The following KIF26B variants were observed in gnomAD, a reference collection of about 807,000 sequenced individuals.
KIF26B encodes the protein kinesin-like protein KIF26B.
KIF26B carries 63 observed loss-of-function variants against 151.2 expected under a neutral mutation model. That is an observed-to-expected ratio of 0.42 (90% CI 0.34 to 0.51). The LOEUF is 0.51. Among genes scored for constraint, KIF26B ranks in the 20% least tolerant of loss-of-function variants. The probability of loss-of-function intolerance (pLI) is 0.07; values close to 1 mark genes in which losing one functional copy is unlikely to be tolerated. For missense variants in KIF26B, 2,813 were observed against 2,913.6 expected, an observed-to-expected ratio of 0.97 and a Z score of 0.79; for synonymous variants, 1,357 against 1,262.1, an observed-to-expected ratio of 1.08 and a Z score of -1.59.
In KIF26B at chr1:245,703,798, G is replaced by A. The variant is rs2044805795; in HGVS notation, c.*1192G>A. On this transcript the variant is annotated 3_prime_UTR_variant, in exon 15 of 15. Coordinates refer to ENST00000407071, the MANE Select transcript of KIF26B (RefSeq NM_018012.4). ...ATTCTTGAGACTGTACATCTTGTCT[G>A]TTGTCCAGAGTACAAGGATTTCAGC... 2.6e-5 allele frequency: 4 copies of A among 152,214 alleles called. No individual in the cohort carries two copies. The South Asian group carries it at 8.3e-4, about 32-fold the overall frequency. The allele number at this position is 152,214 out of a possible 1,614,324, so 9.4% of individuals were successfully genotyped here.
intron 4 of KIF26B, among the ~76,000 whole-genome samples, chr1:245,537,545 C>T (rs1661514654): frequency 6.6e-6 from 1 of 152,132 alleles, no homozygotes; most frequent in African/African-American, 2.4e-5. Flanking sequence ...AGCAATTCAG[C>T]AAGAGAAGTC....
chr1:245,543,813 C>T lies in KIF26B; in HGVS notation c.1350+2863C>T, dbSNP rs191502885. ...AAATACAAAAATTAGCCAAGCTTGGCGGCACGTACCTGTAATCCCAGCTAC... is the reference window on the plus strand; with the variant it reads ...AAATACAAAAATTAGCCAAGCTTGGTGGCACGTACCTGTAATCCCAGCTAC... On this transcript the variant is annotated intron_variant, in intron 5 of 14. Transcript: ENST00000407071. Among the ~76,000 whole-genome samples the T allele has an allele frequency of 5.3e-5, 8 of 152,140 alleles. No homozygotes were observed. The South Asian group carries it at 8.3e-4, about 16-fold the overall frequency.
chr1:245,408,437 C>T (rs955477277), intron 3 of KIF26B, among the ~76,000 whole-genome samples: 1 of 150,086 alleles, frequency 6.7e-6, no homozygotes, highest in African/African-American at 2.5e-5. Flanking sequence ...TCACTGCAAC[C>T]TCCGCCTCCT....
chr1:245,592,357 C>T (rs2043297175), intron 5 of KIF26B, among the ~76,000 whole-genome samples: 1 of 152,218 alleles, frequency 6.6e-6, no homozygotes, highest in African/African-American at 2.4e-5. Context: ...GAGGGAAGAG[C>T]AGTCCAGGGC....
chr1:245,500,693 G>A (rs6670295), intron 4 of KIF26B, among the ~76,000 whole-genome samples: 3,798 of 152,320 alleles, frequency 0.025, 135 homozygotes, highest in African/African-American at 0.074. Flanking sequence ...TCACCAGGGC[G>A]AGGGCTGGGC....
intron 2 of KIF26B, among the ~76,000 whole-genome samples, chr1:245,158,230 G>A (rs1360352765): frequency 1.3e-5 from 2 of 152,072 alleles, no homozygotes; most frequent in Non-Finnish European, 2.9e-5. Context: ...TAGGCTTATT[G>A]TGGCTTTGGG....
At position 245,686,636 on chromosome 1, in the gene KIF26B, C is replaced by G. The variant is rs61753904; in HGVS notation, c.3653C>G (p.Ser1218Cys). 6.2e-7 allele frequency: 1 copy of G among 1,610,862 alleles called. No individual in the cohort carries two copies. ...TSIISFNSDC[S>C]ARALASGSRP... The stretch of plus-strand genomic sequence containing the variant: ...ATCATCAGCTTCAACAGCGACTGCT[C>G]TGCACGGGCCCTGGCCTCGGGCTCG... Residue 1218 changes from serine to cysteine, a missense_variant, in exon 12 of 15, where the codon TCT (serine) becomes TGT (cysteine). This residue lies in a region of KIF26B where 2,060 missense variants were observed against 2,088.6 expected (regional missense o/e 0.99). Coordinates refer to ENST00000407071, the MANE Select transcript of KIF26B (RefSeq NM_018012.4). The surrounding 1 kb of genome is among the most constrained non-coding windows in gnomAD (Gnocchi z 5.6).
Position 245,475,956 on chromosome 1 carries a change from C to T in KIF26B, c.1166+56211C>T, listed in dbSNP as rs563665821. 3.9e-5 allele frequency among the ~76,000 whole-genome samples: 6 copies of T among 151,920 alleles called. 1 individual carries two copies. Among genetic ancestry groups the T allele is most frequent in the Non-Finnish European group, 5.9e-5 (4 of 67,844 alleles). On this transcript the variant is annotated intron_variant, in intron 4 of 14. Transcript: ENST00000407071. ...ATACATCCACACAAACATTAGTACA[C>T]GAATGTTCATGGCAGCGTTAGTCAA...
intron 4 of KIF26B, among the ~76,000 whole-genome samples, chr1:245,464,057 C>T (rs1478023035): frequency 6.6e-6 from 1 of 152,162 alleles, no homozygotes; most frequent in African/African-American, 2.4e-5. Context: ...CATGCCATCC[C>T]CACCCTTTCT....
rs79889054 is a variant in KIF26B, at chr1:245,413,921, T to G, written c.1000-5658T>G. The stretch of plus-strand genomic sequence containing the variant: ...CCTCCTCCTACTAGCTGATTTCCCT[T>G]GGGGAAGGAGCTCAACCTCTCTGAC... On this transcript the variant is annotated intron_variant, in intron 3 of 14. Coordinates refer to ENST00000407071, the MANE Select transcript of KIF26B (RefSeq NM_018012.4). Among the ~76,000 whole-genome samples, 85 of 152,298 alleles carry G rather than the reference T, an allele frequency of 5.6e-4. 2 individuals carry two copies. The East Asian group carries it at 0.014, about 26-fold the overall frequency.
chr1:245,521,253 C>T lies in KIF26B; in HGVS notation c.1167-19514C>T, dbSNP rs571548461. On this transcript the variant is annotated intron_variant, in intron 4 of 14. Coordinates refer to ENST00000407071, the MANE Select transcript of KIF26B (RefSeq NM_018012.4). ...TCCGAAGGCTGAGGCAGGAGAATGG[C>T]GTGAACCCGGGAGGCGGAGCTTGCA... Among the ~76,000 whole-genome samples the T allele has an allele frequency of 1.0e-3, 153 of 151,820 alleles. 1 individual carries two copies. The highest frequency in any genetic ancestry group is 2.2e-3 in the Admixed American group (34 of 15,232).
chr1:245,281,858 G>A (rs1573750694), intron 2 of KIF26B, among the ~76,000 whole-genome samples: 1 of 151,432 alleles, frequency 6.6e-6, no homozygotes, highest in Non-Finnish European at 1.5e-5. Flanking sequence ...TTATTAAATA[G>A]GGAATCCTTT....
chr1:245,423,219 T>C (rs1658537270), intron 4 of KIF26B, among the ~76,000 whole-genome samples: 1 of 152,162 alleles, frequency 6.6e-6, no homozygotes. Flanking sequence ...CTGACGTATA[T>C]TGAGCACTGA....
chr1:245,206,831 A>C (rs957319336), intron 2 of KIF26B: 13 of 152,382 alleles, frequency 8.5e-5, no homozygotes, highest in African/African-American at 3.1e-4. Context: ...TTTATAAAAC[A>C]TTATACTTTA....
At chr1:245,219,727 C>G (rs148029999) in intron 2 of KIF26B, among the ~76,000 whole-genome samples, 1 of 152,092 alleles carries the variant, frequency 6.6e-6, no homozygotes, top group Non-Finnish European at 1.5e-5. Context: ...GAGTGAGATC[C>G]TGTCCCCTCC....
chr1:245,630,541 A>G (rs753444057), intron 9 of KIF26B, among the ~76,000 whole-genome samples: 1 of 152,182 alleles, frequency 6.6e-6, no homozygotes, highest in Non-Finnish European at 1.5e-5. Flanking sequence ...ATGAGAACAC[A>G]TGGACACAAG....
At chr1:245,307,659 A>G (rs189923598) in intron 2 of KIF26B, among the ~76,000 whole-genome samples, 1 of 151,908 alleles carries the variant, frequency 6.6e-6, no homozygotes, top group African/African-American at 2.4e-5. Flanking sequence ...TAGTTGAATC[A>G]TTCCTTTCCT....
chr1:245,452,265 T>A (rs1163634203), intron 4 of KIF26B, among the ~76,000 whole-genome samples: 1 of 152,268 alleles, frequency 6.6e-6, no homozygotes, highest in African/African-American at 2.4e-5. Flanking sequence ...ATCGGAATTT[T>A]ATTCCTTTGT....
chr1:245,366,169 G>C (rs1258305407), intron 2 of KIF26B, among the ~76,000 whole-genome samples: 1 of 152,280 alleles, frequency 6.6e-6, no homozygotes, highest in South Asian at 2.1e-4. Context: ...CTGGACAAAT[G>C]TTTGTTCCTT....
Sources: gnomAD v4.1 joint callset for allele counts (sites outside exome capture counted in the v4.1 genomes callset) on GRCh38, gnomAD v4.1.1 for gene constraint, gnomAD v4.1.1 regional missense constraint, Gnocchi (gnomAD v3.1) non-coding constraint, MANE v1.5 for transcripts, NCBI Gene and HGNC (gene_info 2026-07-23, HGNC 2026-07-21) for gene names.